ATAD2B: variants seen among roughly 807,000 people sequenced by gnomAD.
ATAD2B encodes ATPase family AAA domain-containing protein 2B.
ATAD2B carries 40 observed loss-of-function variants against 167.6 expected under a neutral mutation model. The ratio of observed to expected loss-of-function variants is 0.24; its 90% CI spans 0.19 to 0.31. The LOEUF (loss-of-function observed/expected upper bound fraction) is 0.31. Ranked by LOEUF, ATAD2B falls within the 10% of genes least tolerant of loss-of-function variation. The pLI is 1.00. For synonymous variants in ATAD2B, 579 were observed against 596.5 expected, an observed-to-expected ratio of 0.97 and a Z score of 0.43; for missense variants, 1,242 against 1,757.2, an observed-to-expected ratio of 0.71 and a Z score of 5.24.
chr2:23,698,206 G>A, the ATAD2B span, among the ~76,000 whole-genome samples: 1 of 152,280 alleles, frequency 6.6e-6, no homozygotes, highest in South Asian at 2.1e-4. Flanking sequence ...GACCACCCCG[G>A]GAACCCCAAG....
chr2:23,837,963 T>C (rs1172819862), intron 13 of ATAD2B, among the ~76,000 whole-genome samples: 2 of 152,226 alleles, frequency 1.3e-5, no homozygotes, highest in African/African-American at 2.4e-5. Context: ...CTAGTAACAA[T>C]GTTCTTTCTA....
intron 22 of ATAD2B, among the ~76,000 whole-genome samples, chr2:23,769,642 T>C (rs1203448858): frequency 1.3e-5 from 2 of 151,904 alleles, no homozygotes; most frequent in Admixed American, 1.3e-4. Flanking sequence ...TCTACATCCT[T>C]GATTACATTT....
chr2:23,822,489 G>A (rs1225606873), intron 16 of ATAD2B, among the ~76,000 whole-genome samples: 1 of 151,786 alleles, frequency 6.6e-6, no homozygotes, highest in Non-Finnish European at 1.5e-5. Flanking sequence ...AGGTTACAGT[G>A]AGCCAAGATC....
chr2:23,686,472 C>A, the ATAD2B span, among the ~76,000 whole-genome samples: 1 of 152,062 alleles, frequency 6.6e-6, no homozygotes, highest in East Asian at 1.9e-4. Context: ...GAAATTGGTT[C>A]AAGTGATGCC....
chr2:23,872,596 C>A, intron 8 of ATAD2B: 1 of 1,287,522 alleles, frequency 7.8e-7, no homozygotes, highest in Non-Finnish European at 1.1e-6. Context: ...GCCTGCGATC[C>A]TTACTAATGT....
At chr2:23,685,525 CTG>C in the ATAD2B span, 2 of 152,450 alleles carry the variant, frequency 1.3e-5, no homozygotes, top group South Asian at 2.1e-4. Context: ...CCCGGAGTGA[CTG>C]TGTTTTGTTT....
At chr2:23,706,941 A>G in the ATAD2B span, 1 of 323,344 alleles carries the variant, frequency 3.1e-6, no homozygotes, top group Non-Finnish European at 5.6e-6. Context: ...GGTGCAATAG[A>G]GTTTCACGTA....
chr2:23,718,228 A>G, the ATAD2B span, among the ~76,000 whole-genome samples: 1 of 151,188 alleles, frequency 6.6e-6, no homozygotes, highest in Admixed American at 6.6e-5. Flanking sequence ...CTTATCTCCT[A>G]GTTTATTCTC....
At chr2:23,694,499 A>T in the ATAD2B span, among the ~76,000 whole-genome samples, 2 of 152,082 alleles carry the variant, frequency 1.3e-5, no homozygotes, top group Non-Finnish European at 2.9e-5. Context: ...TGAACATCTC[A>T]TCCATCCACT....
intron 19 of ATAD2B, among the ~76,000 whole-genome samples, chr2:23,789,027 T>C (rs1336433187): frequency 6.6e-6 from 1 of 152,086 alleles, no homozygotes; most frequent in African/African-American, 2.4e-5. Flanking sequence ...AACATTGCCA[T>C]CTCTTATCCT....
At chr2:23,807,955 T>G (rs1684773161) in intron 18 of ATAD2B, among the ~76,000 whole-genome samples, 2 of 119,058 alleles carry the variant, frequency 1.7e-5, no homozygotes, top group South Asian at 2.5e-4. Flanking sequence ...ATATAAATAT[T>G]TATAATATAT....
At chr2:23,859,514 C>T (rs1313509613) in intron 12 of ATAD2B, among the ~76,000 whole-genome samples, 1 of 149,320 alleles carries the variant, frequency 6.7e-6, no homozygotes, top group East Asian at 1.9e-4. Context: ...CACCACGTTG[C>T]CCAGGCTTAT....
the ATAD2B span, among the ~76,000 whole-genome samples, chr2:23,713,178 G>A: frequency 2.6e-5 from 4 of 152,356 alleles, no homozygotes; most frequent in East Asian, 1.9e-4. Flanking sequence ...CATTCTCAGC[G>A]AAGCTGGCCA....
At chr2:23,860,660 C>T (rs1694199630) in intron 12 of ATAD2B, among the ~76,000 whole-genome samples, 1 of 152,140 alleles carries the variant, frequency 6.6e-6, no homozygotes, top group East Asian at 1.9e-4. Flanking sequence ...TTTAATGTTT[C>T]CTAATAATTT....
chr2:23,796,115 G>A (rs937992686), intron 19 of ATAD2B, among the ~76,000 whole-genome samples: 1 of 152,132 alleles, frequency 6.6e-6, no homozygotes, highest in East Asian at 1.9e-4. Context: ...CTTGGGAACA[G>A]AGGAGAATTT....
At chr2:23,905,623 T>C (rs1285400724) in intron 1 of ATAD2B, among the ~76,000 whole-genome samples, 1 of 152,206 alleles carries the variant, frequency 6.6e-6, no homozygotes, top group Non-Finnish European at 1.5e-5. Context: ...GAAACTACTA[T>C]TTACCTCATG....
At chr2:23,746,854 A>G (rs182494462), downstream of ATAD2B, among the ~76,000 whole-genome samples, 7 of 152,296 alleles carry the variant, frequency 4.6e-5, no homozygotes, top group Admixed American at 1.3e-4. Flanking sequence ...AAAGTGCTTT[A>G]AGAGCTTTTA....
chr2:23,896,849 C>T (rs1700221466), intron 1 of ATAD2B, among the ~76,000 whole-genome samples: 1 of 152,182 alleles, frequency 6.6e-6, no homozygotes, highest in African/African-American at 2.4e-5. Flanking sequence ...GTCAAGAGTA[C>T]AGGCGAGCCA....
At chr2:23,923,074 T>C (rs1204913254) in intron 1 of ATAD2B, among the ~76,000 whole-genome samples, 5 of 152,182 alleles carry the variant, frequency 3.3e-5, no homozygotes, top group Admixed American at 6.6e-5. Context: ...CGCAGTAGCA[T>C]TATTAATAGC....
Sources: gnomAD v4.1 joint callset for allele counts (sites outside exome capture counted in the v4.1 genomes callset) on GRCh38, gnomAD v4.1.1 for gene constraint, MANE v1.5 for transcripts, NCBI Gene and HGNC (gene_info 2026-07-23, HGNC 2026-07-21) for gene names.